The following CSMD1 variants were observed in gnomAD, a reference collection of about 807,000 sequenced individuals.
The protein encoded by CSMD1 is CUB and sushi domain-containing protein 1.
Under a neutral mutation model 417.5 loss-of-function variants are expected in CSMD1, and 213 were observed. The observed-to-expected ratio is 0.51, with a 90% CI of 0.46 to 0.57. The LOEUF (loss-of-function observed/expected upper bound fraction) is 0.57, where lower values mean the gene tolerates loss of function less well. Ranked by LOEUF, CSMD1 falls within the 20% of genes least tolerant of loss-of-function variation. The probability of loss-of-function intolerance (pLI) is 0.00; values close to 1 mark genes in which losing one functional copy is unlikely to be tolerated. For missense variants in CSMD1, 6,923 were observed against 4,529.7 expected (o/e 1.53, Z -15.17); for synonymous variants, 2,862 against 1,736.8 (o/e 1.65, Z -16.11).
At chr8:4,028,563 T>C (rs1585161975) in intron 4 of CSMD1, among the ~76,000 whole-genome samples, 4 of 152,088 alleles carry the variant, frequency 2.6e-5, no homozygotes, top group Admixed American at 1.3e-4. Context: ...AAAAGCATAC[T>C]GAAGGAAATA....
At chr8:3,658,141 G>C (rs551993590) in intron 7 of CSMD1, among the ~76,000 whole-genome samples, 29 of 152,118 alleles carry the variant, frequency 1.9e-4, no homozygotes, top group African/African-American at 6.7e-4. Context: ...AAAAACTTCA[G>C]CAGCTTATCT....
chr8:3,296,285 G>A (rs1007549107), intron 25 of CSMD1, among the ~76,000 whole-genome samples: 1 of 151,672 alleles, frequency 6.6e-6, no homozygotes, highest in Non-Finnish European at 1.5e-5. Context: ...ATTCAGCCAA[G>A]CAGAAGCCCC....
Position 4,067,820 on chromosome 8 carries a change from T to G in CSMD1, c.416-35721A>C, listed in dbSNP as rs139246305. Among the ~76,000 whole-genome samples, 1,006 of 152,040 alleles carry G rather than the reference T, an allele frequency of 6.6e-3. 14 individuals carry two copies. Among genetic ancestry groups the G allele is most frequent in the African/African-American group, 0.023 (968 of 41,316 alleles). On this transcript the variant is annotated intron_variant, in intron 3 of 69. Transcript: ENST00000635120. ...GGGGCCAGATACAGTGGCTCATGTC[T>G]GTGATCCCAACACTTTGGGAGGCCG...
chr8:4,066,940 G>T (rs1214865039), intron 3 of CSMD1, among the ~76,000 whole-genome samples: 1 of 152,212 alleles, frequency 6.6e-6, no homozygotes, highest in Non-Finnish European at 1.5e-5. Context: ...TATTTGTATT[G>T]TGTAAATACC....
chr8:4,498,913 C>G (rs115151625), intron 2 of CSMD1, among the ~76,000 whole-genome samples: 181 of 152,182 alleles, frequency 1.2e-3, no homozygotes, highest in African/African-American at 4.1e-3. Context: ...ATTTAGATCA[C>G]AGGGCTCAAC....
intron 1 of CSMD1, among the ~76,000 whole-genome samples, chr8:4,854,686 G>T (rs545127942): frequency 6.6e-6 from 1 of 151,772 alleles, no homozygotes; most frequent in Non-Finnish European, 1.5e-5. Flanking sequence ...ACTCCCACCC[G>T]AATACTGCCC....
At chr8:4,563,694 T>C (rs1798454352) in intron 2 of CSMD1, among the ~76,000 whole-genome samples, 1 of 152,224 alleles carries the variant, frequency 6.6e-6, no homozygotes, top group African/African-American at 2.4e-5. Flanking sequence ...AGGAAATTCC[T>C]CCTTCTTTAA....
intron 4 of CSMD1, among the ~76,000 whole-genome samples, chr8:4,015,603 T>A (rs1004714946): frequency 2.8e-5 from 4 of 143,694 alleles, no homozygotes; most frequent in African/African-American, 1.0e-4. Flanking sequence ...CCAATGACTA[T>A]CATTCAGTCT....
chr8:4,007,687 T>C (rs966152116), intron 4 of CSMD1, among the ~76,000 whole-genome samples: 9 of 152,192 alleles, frequency 5.9e-5, no homozygotes, highest in African/African-American at 2.2e-4. Context: ...TCTTTTTTTT[T>C]TTCATGCAAT....
At chr8:4,301,811 T>A (rs529866951) in intron 3 of CSMD1, among the ~76,000 whole-genome samples, 1 of 152,232 alleles carries the variant, frequency 6.6e-6, no homozygotes, top group Non-Finnish European at 1.5e-5. Flanking sequence ...GGGGGGTTCA[T>A]TGTCCCCATA....
chr8:3,465,156 G>A (rs932817361), intron 12 of CSMD1, among the ~76,000 whole-genome samples: 1 of 152,092 alleles, frequency 6.6e-6, no homozygotes, highest in African/African-American at 2.4e-5. Flanking sequence ...CACCAGCAGG[G>A]ATCCCTGTTG....
In CSMD1 at chr8:3,531,319, C is replaced by A. The variant is rs550441880; in HGVS notation, c.1345-37593G>T. Among the ~76,000 whole-genome samples the A allele has an allele frequency of 2.1e-3, 317 of 152,180 alleles. 1 individual carries two copies. Among genetic ancestry groups the A allele is most frequent in the Middle Eastern group, 6.8e-3 (2 of 292 alleles). ...TTGTGTGAGTACTAGTAATCAAAACCTTTAACTAAAATCTTTTTTAGCCCC... is the reference window on the plus strand; with the variant it reads ...TTGTGTGAGTACTAGTAATCAAAACATTTAACTAAAATCTTTTTTAGCCCC... On this transcript the variant is annotated intron_variant, in intron 10 of 69. Coordinates refer to ENST00000635120, the MANE Select transcript of CSMD1 (RefSeq NM_033225.6).
chr8:4,277,704 A>T (rs949054420), intron 3 of CSMD1, among the ~76,000 whole-genome samples: 4 of 152,138 alleles, frequency 2.6e-5, no homozygotes, highest in Admixed American at 2.6e-4. Flanking sequence ...GAAACTCCTT[A>T]AAGTGTTAAC....
At chr8:4,795,149 C>T (rs370725859) in intron 1 of CSMD1, among the ~76,000 whole-genome samples, 56 of 149,856 alleles carry the variant, frequency 3.7e-4, no homozygotes, top group South Asian at 6.4e-4. Context: ...CTGGTAAAGA[C>T]GTCTAAGAAT....
rs114215032 is a variant in CSMD1, at chr8:4,192,867, C to G, written c.416-160768G>C. ...GATCACTCATGTTCCTGTATTCTGT[C>G]CTTCTAGGAACTTGATTCCATAAGT... On this transcript the variant is annotated intron_variant, in intron 3 of 69. Coordinates refer to ENST00000635120, the MANE Select transcript of CSMD1 (RefSeq NM_033225.6). Among the ~76,000 whole-genome samples the G allele has an allele frequency of 1.6e-3, 246 of 152,268 alleles. 2 individuals carry two copies. The highest frequency in any genetic ancestry group is 5.8e-3 in the African/African-American group (243 of 41,554).
At chr8:4,551,883 T>C (rs1459663901) in intron 2 of CSMD1, among the ~76,000 whole-genome samples, 1 of 148,630 alleles carries the variant, frequency 6.7e-6, no homozygotes, top group Non-Finnish European at 1.5e-5. Context: ...AGATGGGGTA[T>C]CACCATGTTG....
Position 3,398,335 on chromosome 8 carries a change from A to G in CSMD1, c.2405+1056T>C, listed in dbSNP as rs547360608. Among the ~76,000 whole-genome samples, 62 of 152,338 alleles carry G rather than the reference A, an allele frequency of 4.1e-4. 1 individual carries two copies. In the South Asian group the frequency reaches 7.5e-3, roughly 18 times the overall value. On this transcript the variant is annotated intron_variant, in intron 16 of 69. Transcript: ENST00000635120. ...TATACACAGTAATTCACTTTCTAAT[A>G]TAGATGGATTTATAAACAACTTTTT...
chr8:3,347,418 T>A (rs116922486), intron 22 of CSMD1, among the ~76,000 whole-genome samples: 2 of 152,288 alleles, frequency 1.3e-5, no homozygotes, highest in South Asian at 2.1e-4. Context: ...GCCATCAATA[T>A]TGAGATTCTG....
chr8:4,752,085 G>C lies in CSMD1; in HGVS notation c.86-114527C>G, dbSNP rs75618871. 7.1e-5 allele frequency among the ~76,000 whole-genome samples: 5 copies of C among 70,328 alleles called. No individual in the cohort carries two copies. In the East Asian group the frequency reaches 2.0e-3, roughly 28 times the overall value. The allele number at this position is 70,328 out of a possible 152,430, so 46.1% of individuals were successfully genotyped here. ...CAAAAACATATGTATATTCATGTCT[G>C]TGTGTGTGTACATGTATCACATATA... On this transcript the variant is annotated intron_variant, in intron 1 of 69. Coordinates refer to ENST00000635120, the MANE Select transcript of CSMD1 (RefSeq NM_033225.6).
Sources: allele counts gnomAD v4.1 joint callset (sites outside exome capture counted in the v4.1 genomes callset), GRCh38; gene constraint gnomAD v4.1.1; transcripts MANE v1.5; gene names NCBI Gene and HGNC (gene_info 2026-07-23, HGNC 2026-07-21).